The following DMRT1 variants were observed in gnomAD, a reference collection of about 807,000 sequenced individuals.
DMRT1 encodes doublesex and mab-3 related transcription factor 1, also known as doublesex- and mab-3-related transcription factor 1.
Under a neutral mutation model 32.3 loss-of-function variants are expected in DMRT1, and 7 were observed. The observed-to-expected ratio is 0.22, with a 90% CI of 0.12 to 0.41. DMRT1 has a LOEUF of 0.41. Ranked by LOEUF, DMRT1 falls within the 10% of genes least tolerant of loss-of-function variation. The pLI is 1.00. For synonymous variants in DMRT1, 278 were observed against 206.1 expected (o/e 1.35, Z -2.99); for missense variants, 625 against 500.5 (o/e 1.25, Z -2.37).
At chr9:919,167 A>G (rs1413011971) in intron 4 of DMRT1, among the ~76,000 whole-genome samples, 1 of 152,160 alleles carries the variant, frequency 6.6e-6, no homozygotes, top group East Asian at 1.9e-4. Flanking sequence ...TGATTGTGTT[A>G]ATATGTAAGT....
At chr9:872,123 T>A (rs1201585119) in intron 2 of DMRT1, among the ~76,000 whole-genome samples, 1 of 151,216 alleles carries the variant, frequency 6.6e-6, no homozygotes, top group Admixed American at 6.6e-5. Flanking sequence ...GTGCAGTGGC[T>A]TGATTTCGGC....
At chr9:860,062 C>A (rs563929897) in intron 2 of DMRT1, among the ~76,000 whole-genome samples, 1 of 152,022 alleles carries the variant, frequency 6.6e-6, no homozygotes, top group African/African-American at 2.4e-5. Flanking sequence ...TTTGGGAGGC[C>A]GAGGTGGGTG....
chr9:884,850 A>G (rs533225953), intron 2 of DMRT1, among the ~76,000 whole-genome samples: 30 of 152,138 alleles, frequency 2.0e-4, no homozygotes, highest in Middle Eastern at 3.4e-3. Context: ...CGCACCTGTA[A>G]TCTCAGCTAC....
chr9:942,496 C>T (rs796916527), intron 4 of DMRT1, among the ~76,000 whole-genome samples: 1 of 152,204 alleles, frequency 6.6e-6, no homozygotes, highest in Non-Finnish European at 1.5e-5. Flanking sequence ...TGGTCTTGAA[C>T]TCCTGAGCTC....
intron 2 of DMRT1, among the ~76,000 whole-genome samples, chr9:853,317 G>A (rs1463654394): frequency 6.6e-6 from 1 of 152,008 alleles, no homozygotes; most frequent in Non-Finnish European, 1.5e-5. Context: ...AATGGGTTTG[G>A]ACAAATGTGT....
At chr9:960,145 G>T (rs1246266544) in intron 4 of DMRT1, among the ~76,000 whole-genome samples, 1 of 152,172 alleles carries the variant, frequency 6.6e-6, no homozygotes, top group Admixed American at 6.5e-5. Context: ...CCCAGCCTCA[G>T]GAATGGTTAA....
rs1157459794 is a variant in DMRT1 at position 965,462 on chromosome 9, G to A, written c.968-2523G>A. ...TCTGCATGCTTTGTGGCCCCACGTC[G>A]CAAGAGCACTTTCCAAGAAAATATT... On this transcript the variant is annotated intron_variant, in intron 4 of 4. Transcript: ENST00000382276. The surrounding 1 kb of genome is among the most constrained non-coding windows in gnomAD (Gnocchi z 4.5). Among the ~76,000 whole-genome samples, 1 of 152,194 alleles carries A rather than the reference G, an allele frequency of 6.6e-6. No individual in the cohort carries two copies. The highest frequency in any genetic ancestry group is 1.5e-5 in the Non-Finnish European group (1 of 68,032).
chr9:885,617 T>C (rs1757808800), intron 2 of DMRT1, among the ~76,000 whole-genome samples: 1 of 152,164 alleles, frequency 6.6e-6, no homozygotes, highest in South Asian at 2.1e-4. Flanking sequence ...CCCAGCCGCT[T>C]GTGTGTCTGC....
At chr9:953,591 G>A (rs147930206) in intron 4 of DMRT1, among the ~76,000 whole-genome samples, 3 of 152,140 alleles carry the variant, frequency 2.0e-5, no homozygotes, top group South Asian at 2.1e-4. Flanking sequence ...TTTTGGATTC[G>A]TTGCCACCTC....
At chr9:886,142 T>TA (rs1816918732) in intron 2 of DMRT1, among the ~76,000 whole-genome samples, 1 of 152,232 alleles carries the variant, frequency 6.6e-6, no homozygotes, top group African/African-American at 2.4e-5. Flanking sequence ...AAGTCCGTGT[T>TA]ACAGTGCACA....
chr9:919,396 A>G (rs1206417249), intron 4 of DMRT1, among the ~76,000 whole-genome samples: 1 of 137,302 alleles, frequency 7.3e-6, no homozygotes. Context: ...AGCTGGCAAC[A>G]TGAAATAAAT....
intron 4 of DMRT1, among the ~76,000 whole-genome samples, chr9:929,651 A>G (rs147720888): frequency 1.8e-3 from 269 of 152,190 alleles, no homozygotes; most frequent in African/African-American, 6.4e-3. Context: ...AAGTTAATCC[A>G]CTGCTGCTCA....
chr9:885,676 T>C (rs7861118), intron 2 of DMRT1, among the ~76,000 whole-genome samples: 1,699 of 152,248 alleles, frequency 0.011, 23 homozygotes, highest in African/African-American at 0.039. Context: ...GGCATGGTGG[T>C]CCAGGGTGGT....
intron 2 of DMRT1, among the ~76,000 whole-genome samples, chr9:872,472 A>C (rs779025047): frequency 1.3e-5 from 2 of 152,148 alleles, no homozygotes; most frequent in Non-Finnish European, 2.9e-5. Context: ...CATACCCATT[A>C]CTGGTTACTG....
At chr9:852,606 G>C (rs12343164) in intron 2 of DMRT1, among the ~76,000 whole-genome samples, 1 of 152,184 alleles carries the variant, frequency 6.6e-6, no homozygotes, top group Admixed American at 6.5e-5. Context: ...GAAGCTGTCA[G>C]ATGAAGGGTT....
chr9:908,024 A>C (rs1817840812), intron 3 of DMRT1, among the ~76,000 whole-genome samples: 1 of 152,256 alleles, frequency 6.6e-6, no homozygotes, highest in Non-Finnish European at 1.5e-5. Flanking sequence ...AGTTAAAAAA[A>C]TAATTTGGCC....
At chr9:958,924 T>C (rs1347390179) in intron 4 of DMRT1, among the ~76,000 whole-genome samples, 1 of 152,188 alleles carries the variant, frequency 6.6e-6, no homozygotes, top group Non-Finnish European at 1.5e-5. Context: ...TTCTTAGCCT[T>C]AACGAGATGC....
At chr9:875,843 A>T (rs1285689094) in intron 2 of DMRT1, among the ~76,000 whole-genome samples, 2 of 152,166 alleles carry the variant, frequency 1.3e-5, no homozygotes, top group Non-Finnish European at 2.9e-5. Flanking sequence ...ATTTACGCTC[A>T]TATCCCAAGT....
intron 4 of DMRT1, among the ~76,000 whole-genome samples, chr9:918,476 T>G (rs183895686): frequency 6.6e-6 from 1 of 152,260 alleles, no homozygotes; most frequent in African/African-American, 2.4e-5. Flanking sequence ...GGCATTTGAA[T>G]TTATGGCAGA....
Sources: allele counts gnomAD v4.1 joint callset (sites outside exome capture counted in the v4.1 genomes callset), GRCh38; gene constraint gnomAD v4.1.1; non-coding constraint Gnocchi (gnomAD v3.1); transcripts MANE v1.5; gene names NCBI Gene and HGNC (gene_info 2026-07-23, HGNC 2026-07-21).